The following LRRC37A2 variants were observed in gnomAD, a reference collection of about 807,000 sequenced individuals.
LRRC37A2 encodes the protein leucine-rich repeat-containing protein 37A2.
LRRC37A2 carries 9 observed loss-of-function variants against 68.8 expected under a neutral mutation model. The observed-to-expected ratio is 0.13, with a 90% CI of 0.08 to 0.23. The LOEUF (loss-of-function observed/expected upper bound fraction) is 0.23, where lower values mean the gene tolerates loss of function less well. Among genes scored for constraint, LRRC37A2 ranks in the 10% least tolerant of loss-of-function variants. The pLI, the probability that LRRC37A2 is intolerant of heterozygous loss-of-function variation, is 1.00. For synonymous variants in LRRC37A2, 63 were observed against 367.6 expected, an observed-to-expected ratio of 0.17 and a Z score of 9.48; for missense variants, 168 against 950.4, an observed-to-expected ratio of 0.18 and a Z score of 10.82.
chr17:47,032,949 G>A, the LRRC37A2 span, among the ~76,000 whole-genome samples: 2 of 152,156 alleles, frequency 1.3e-5, no homozygotes, highest in African/African-American at 2.4e-5. Context: ...TGGGCATGGT[G>A]GCTCATGCTG....
the LRRC37A2 span, among the ~76,000 whole-genome samples, chr17:46,501,871 A>G: frequency 6.6e-6 from 1 of 151,194 alleles, no homozygotes; most frequent in African/African-American, 2.5e-5. Flanking sequence ...CTGCTTAGTA[A>G]TGACTCCAGG....
At chr17:46,951,109 G>A in the LRRC37A2 span, among the ~76,000 whole-genome samples, 1 of 152,200 alleles carries the variant, frequency 6.6e-6, no homozygotes, top group East Asian at 1.9e-4. Context: ...GGCTTCTCCA[G>A]CTTGAGGGCA....
the LRRC37A2 span, among the ~76,000 whole-genome samples, chr17:46,895,964 G>T: frequency 6.6e-6 from 1 of 152,180 alleles, no homozygotes; most frequent in East Asian, 1.9e-4. Flanking sequence ...GGCAGAGGGG[G>T]TTCCATCTGG....
the LRRC37A2 span, among the ~76,000 whole-genome samples, chr17:47,026,370 A>G: frequency 7.2e-5 from 11 of 152,214 alleles, no homozygotes; most frequent in African/African-American, 2.7e-4. Flanking sequence ...AACATGGGGA[A>G]CCATGTTACC....
At chr17:46,767,064 C>T in the LRRC37A2 span, among the ~76,000 whole-genome samples, 1 of 152,118 alleles carries the variant, frequency 6.6e-6, no homozygotes, top group Non-Finnish European at 1.5e-5. Context: ...ACACACTAGG[C>T]TCCTTCTCAG....
At chr17:46,771,728 G>A in the LRRC37A2 span, among the ~76,000 whole-genome samples, 1 of 139,572 alleles carries the variant, frequency 7.2e-6, no homozygotes, top group South Asian at 2.2e-4. Flanking sequence ...GCGCCGGGCC[G>A]CGAAATCCCC....
the LRRC37A2 span, among the ~76,000 whole-genome samples, chr17:46,738,828 G>C: frequency 6.6e-6 from 1 of 152,256 alleles, no homozygotes; most frequent in African/African-American, 2.4e-5. Flanking sequence ...GTGGTTGGGC[G>C]CAGTGGCTTA....
chr17:46,996,395 C>T, the LRRC37A2 span, among the ~76,000 whole-genome samples: 106,067 of 151,722 alleles, frequency 0.7, 37,676 homozygotes, highest in Middle Eastern at 0.78. Context: ...TGAAACCCAT[C>T]TCAAGGAATT....
chr17:47,028,395 C>G, the LRRC37A2 span: 2 of 1,244,014 alleles, frequency 1.6e-6, no homozygotes, highest in South Asian at 1.2e-5. Flanking sequence ...ATGTAAACAA[C>G]TATTTATCTA....
the LRRC37A2 span, among the ~76,000 whole-genome samples, chr17:46,892,226 T>G: frequency 2.0e-5 from 3 of 151,932 alleles, no homozygotes; most frequent in Non-Finnish European, 4.4e-5. Context: ...CCTCCTCCCT[T>G]TATGCTTGGT....
chr17:46,490,822 G>T, the LRRC37A2 span, among the ~76,000 whole-genome samples: 15 of 150,000 alleles, frequency 1.0e-4, 1 homozygote, highest in South Asian at 4.2e-4. Context: ...TAATATTTTG[G>T]TTCCTCTCAT....
chr17:46,858,632 A>T, the LRRC37A2 span, among the ~76,000 whole-genome samples: 3 of 152,186 alleles, frequency 2.0e-5, no homozygotes, highest in African/African-American at 7.2e-5. Context: ...TCACTTTCTC[A>T]TACAGCCCCT....
chr17:46,988,572 G>A, the LRRC37A2 span, among the ~76,000 whole-genome samples: 10 of 152,228 alleles, frequency 6.6e-5, no homozygotes, highest in African/African-American at 1.7e-4. Flanking sequence ...TCTGGAGCCT[G>A]TGAATCTGAG....
the LRRC37A2 span, chr17:46,773,626 CCCCACCCAG>C: frequency 2.4e-6 from 1 of 418,048 alleles, no homozygotes; most frequent in Non-Finnish European, 4.8e-6. Flanking sequence ...TGATCCCTCC[CCCCACCCAG>C]CCCCTCCCCC....
the LRRC37A2 span, among the ~76,000 whole-genome samples, chr17:46,825,109 CA>C: frequency 6.6e-6 from 1 of 152,268 alleles, no homozygotes; most frequent in Non-Finnish European, 1.5e-5. Context: ...CATCCCTGGA[CA>C]TGGCTGGCCT....
the LRRC37A2 span, among the ~76,000 whole-genome samples, chr17:46,491,955 CT>C: frequency 2.0e-5 from 3 of 147,706 alleles, no homozygotes; most frequent in Non-Finnish European, 4.4e-5. Flanking sequence ...TTTTCATGTA[CT>C]GTTTGACTTT....
the LRRC37A2 span, among the ~76,000 whole-genome samples, chr17:46,816,958 G>C: frequency 6.6e-6 from 1 of 152,198 alleles, no homozygotes; most frequent in Non-Finnish European, 1.5e-5. Flanking sequence ...GAAGTCCCTG[G>C]CTGCCCTGGC....
the LRRC37A2 span, among the ~76,000 whole-genome samples, chr17:46,798,303 A>C: frequency 1.3e-5 from 2 of 152,174 alleles, no homozygotes; most frequent in Non-Finnish European, 2.9e-5. Flanking sequence ...GGAGATGGGG[A>C]ATGGGCTGAG....
chr17:46,844,809 CCCTTCCTT>C, the LRRC37A2 span, among the ~76,000 whole-genome samples: 3 of 150,732 alleles, frequency 2.0e-5, no homozygotes, highest in South Asian at 2.1e-4. Context: ...CTCCCTCCTT[CCCTTCCTT>C]CCTTCCTTCC....
Sources: allele counts gnomAD v4.1 joint callset (sites outside exome capture counted in the v4.1 genomes callset), GRCh38; gene constraint gnomAD v4.1.1; transcripts MANE v1.5; gene names NCBI Gene and HGNC (gene_info 2026-07-23, HGNC 2026-07-21).